Variants in KCNK10 observed in about 807,000 individuals in gnomAD.
KCNK10 encodes potassium two pore domain channel subfamily K member 10.
A neutral mutation model predicts 47.7 loss-of-function variants in KCNK10; 25 were observed. The observed-to-expected ratio is 0.52, with a 90% CI of 0.38 to 0.73. KCNK10 has a LOEUF of 0.73. Ranked by LOEUF, KCNK10 falls within the 30% of genes least tolerant of loss-of-function variation. The pLI is 0.00. For synonymous variants in KCNK10, 303 were observed against 285.6 expected (o/e 1.06, Z -0.61); for missense variants, 563 against 714.5 (o/e 0.79, Z 2.42).
At chr14:88,218,373 G>A (rs553396510) in intron 4 of KCNK10, among the ~76,000 whole-genome samples, 4 of 152,150 alleles carry the variant, frequency 2.6e-5, no homozygotes, top group Non-Finnish European at 2.9e-5. Context: ...TAATTTAACC[G>A]TATTAGCACT....
chr14:88,184,376 T>C lies in KCNK10; in HGVS notation c.*1159A>G, dbSNP rs1202235825. ...AATATTTCTAAGTATCATTGTTAAA[T>C]GGAATTAATGGCACTTACGCTGCAA... On this transcript the variant is annotated 3_prime_UTR_variant, in exon 7 of 7. Transcript: ENST00000319231. 2 of 152,346 alleles carry C rather than the reference T, an allele frequency of 1.3e-5. No homozygotes were observed. Among genetic ancestry groups the C allele is most frequent in the African/African-American group, 4.8e-5 (2 of 41,446 alleles). 9.4% of individuals were successfully genotyped at this position (152,346 alleles called of 1,614,324 possible).
intron 3 of KCNK10, chr14:88,235,078 G>T (rs1404987180): frequency 4.4e-6 from 2 of 456,544 alleles, no homozygotes; most frequent in South Asian, 3.1e-5. Flanking sequence ...AAGCCACCCT[G>T]AACTTGATCT....
intron 3 of KCNK10, among the ~76,000 whole-genome samples, chr14:88,231,052 A>C (rs1431942981): frequency 6.6e-6 from 1 of 152,082 alleles, no homozygotes; most frequent in Non-Finnish European, 1.5e-5. Context: ...AGGTGGGAGG[A>C]TCACTTGAGG....
chr14:88,186,426 G>C lies in KCNK10; in HGVS notation c.1012-271C>G, dbSNP rs931105732. Among the ~76,000 whole-genome samples the C allele has an allele frequency of 1.3e-5, 2 of 151,694 alleles. No homozygotes were observed. Among genetic ancestry groups the C allele is most frequent in the Non-Finnish European group, 2.9e-5 (2 of 68,032 alleles). On this transcript the variant is annotated intron_variant, in intron 6 of 6. Transcript: ENST00000319231. This position sits in a 1 kb window ranked among gnomAD's most constrained non-coding sequence, Gnocchi z 5.5. ...ATTTGGAGATGGTGACTTAAAGAGA[G>C]GGGGACGGCATCCTGCAGGAGAGGT... is the stretch of plus-strand genomic sequence containing the variant.
chr14:88,191,270 C>CA (rs1379754202), intron 5 of KCNK10, among the ~76,000 whole-genome samples: 3 of 140,818 alleles, frequency 2.1e-5, no homozygotes, highest in East Asian at 2.8e-4. Flanking sequence ...AAAACAAAAA[C>CA]AAAAACAAAA....
intron 4 of KCNK10, among the ~76,000 whole-genome samples, chr14:88,225,306 G>A (rs1885947564): frequency 6.6e-6 from 1 of 152,190 alleles, no homozygotes; most frequent in Non-Finnish European, 1.5e-5. Flanking sequence ...CATTCATTGT[G>A]CACTGCCAAT....
chr14:88,233,120 G>A (rs912664594), intron 3 of KCNK10, among the ~76,000 whole-genome samples: 2 of 152,170 alleles, frequency 1.3e-5, no homozygotes, highest in African/African-American at 2.4e-5. Flanking sequence ...AAAGCTCAAC[G>A]CACACTCGCT....
At chr14:88,279,542 CA>C (rs1454145723) in intron 1 of KCNK10, among the ~76,000 whole-genome samples, 2 of 151,910 alleles carry the variant, frequency 1.3e-5, no homozygotes, top group Non-Finnish European at 2.9e-5. Flanking sequence ...ACAATAGCAA[CA>C]AAATTTTTAA....
At chr14:88,326,424 G>T (rs960778505), upstream of KCNK10, 1 of 1,613,462 alleles carries the variant, frequency 6.2e-7, no homozygotes, top group East Asian at 2.2e-5. Flanking sequence ...CTTACCCAAG[G>T]AAAGAAAGAA....
chr14:88,248,339 T>A (rs555821842), intron 2 of KCNK10, among the ~76,000 whole-genome samples: 14 of 152,208 alleles, frequency 9.2e-5, no homozygotes, highest in Non-Finnish European at 1.3e-4. Context: ...AATAACATCA[T>A]GAAAAAGAGA....
chr14:88,303,859 C>A (rs1365635578), intron 1 of KCNK10, among the ~76,000 whole-genome samples: 1 of 152,072 alleles, frequency 6.6e-6, no homozygotes, highest in Non-Finnish European at 1.5e-5. Flanking sequence ...AAACTCCCTC[C>A]AATGTGAAGT....
chr14:88,227,669 G>C, intron 3 of KCNK10, 134 bp from the exon 4 acceptor site: 1 of 702,966 alleles, frequency 1.4e-6, no homozygotes, highest in South Asian at 2.5e-5. Context: ...CATTTCAAAG[G>C]CCCTCTACAA....
At chr14:88,240,188 C>G (rs1426504721) in intron 3 of KCNK10, among the ~76,000 whole-genome samples, 2 of 151,388 alleles carry the variant, frequency 1.3e-5, no homozygotes, top group Non-Finnish European at 2.9e-5. Flanking sequence ...AATGGAAAGT[C>G]AAAAAAAATC....
At chr14:88,245,535 C>G (rs1886610416) in intron 2 of KCNK10, among the ~76,000 whole-genome samples, 1 of 152,192 alleles carries the variant, frequency 6.6e-6, no homozygotes, top group African/African-American at 2.4e-5. Flanking sequence ...CTGCTCCAGA[C>G]AGCGTGCGAT....
At position 88,191,482 on chromosome 14, in the gene KCNK10, G is replaced by C. The variant is rs114117253; in HGVS notation, c.868+742C>G. On this transcript the variant is annotated intron_variant, in intron 5 of 6. Transcript: ENST00000319231. Reference sequence around the variant, plus strand: ...ATCTAGAACTATCCTATTAGAAAAAGAGAAGGATGGCCTCTTCCTTCTATC... The same window carrying C: ...ATCTAGAACTATCCTATTAGAAAAACAGAAGGATGGCCTCTTCCTTCTATC... 6.3e-3 allele frequency among the ~76,000 whole-genome samples: 958 copies of C among 152,276 alleles called. 8 individuals carry two copies. The highest frequency in any genetic ancestry group is 0.022 in the African/African-American group (918 of 41,552).
At chr14:88,276,464 G>C (rs61977008) in intron 1 of KCNK10, among the ~76,000 whole-genome samples, 11,104 of 152,056 alleles carry the variant, frequency 0.073, 563 homozygotes, top group Non-Finnish European at 0.11. Context: ...TAGCCCTAAG[G>C]CACACTAAGA....
intron 1 of KCNK10, among the ~76,000 whole-genome samples, chr14:88,284,342 C>T (rs970519532): frequency 6.6e-6 from 1 of 152,002 alleles, no homozygotes; most frequent in African/African-American, 2.4e-5. Flanking sequence ...TCAGGGCTCT[C>T]GAGAAAGACA....
chr14:88,242,551 T>C (rs1415997936), intron 2 of KCNK10, among the ~76,000 whole-genome samples: 1 of 152,210 alleles, frequency 6.6e-6, no homozygotes, highest in Non-Finnish European at 1.5e-5. Context: ...CATGGAATAT[T>C]ATGCAAGACC....
In KCNK10 at chr14:88,231,280, GAAAAAT is replaced by G. The variant is rs59735959; in HGVS notation, c.521-3751_521-3746del. Among the ~76,000 whole-genome samples the G allele has an allele frequency of 7.5e-3, 1,117 of 149,766 alleles. 11 individuals are homozygous for G. The highest frequency in any genetic ancestry group is 0.026 in the African/African-American group (1,068 of 40,346). ...GGCAACAAAGCAATACCCCTTCTCT[GAAAAAT>G]AAAAATAAAAATAAAAAATAAACAT... On this transcript the variant is annotated intron_variant, in intron 3 of 6. Transcript: ENST00000319231.
Sources: gnomAD v4.1 joint callset for allele counts (sites outside exome capture counted in the v4.1 genomes callset) on GRCh38, gnomAD v4.1.1 for gene constraint, Gnocchi (gnomAD v3.1) non-coding constraint, MANE v1.5 for transcripts, NCBI Gene and HGNC (gene_info 2026-07-23, HGNC 2026-07-21) for gene names.